SARDH: variants seen among roughly 807,000 people sequenced by gnomAD.
SARDH encodes sarcosine dehydrogenase.
In SARDH, 95 loss-of-function variants were observed where a neutral mutation model predicts 109.1. That is an observed-to-expected ratio of 0.87 (90% confidence interval 0.74 to 1.03). The LOEUF (loss-of-function observed/expected upper bound fraction) is 1.03. Ranked by LOEUF, SARDH falls within the 50% of genes least tolerant of loss-of-function variation. SARDH has a pLI of 0.00. For missense variants in SARDH, 1,267 were observed against 1,287.8 expected, an observed-to-expected ratio of 0.98 and a Z score of 0.25; for synonymous variants, 572 against 534.8, an observed-to-expected ratio of 1.07 and a Z score of -0.96.
intron 6 of SARDH, 136 bp from the exon 7 acceptor site, chr9:133,719,178 G>T: frequency 1.5e-6 from 1 of 666,828 alleles, no homozygotes; most frequent in Non-Finnish European, 2.6e-6. Flanking sequence ...GGACCCCGAG[G>T]ACAGAGTGGA....
chr9:133,708,449 G>A (rs1831787759), intron 10 of SARDH, 21 bp from the exon 11 acceptor site: 1 of 1,600,056 alleles, frequency 6.2e-7, no homozygotes, highest in Non-Finnish European at 8.5e-7. Context: ...CAGGGGGACG[G>A]GTCACTGCTT....
chr9:133,693,369 C>T lies in SARDH; in HGVS notation c.1921+889G>A, dbSNP rs1229578011. 2.0e-5 allele frequency among the ~76,000 whole-genome samples: 3 copies of T among 152,122 alleles called. No individual in the cohort carries two copies. Among genetic ancestry groups the T allele is most frequent in the East Asian group, 1.9e-4 (1 of 5,182 alleles). ...GCCCAAGCTGGGGCTCGACACTGAC[C>T]GAGTCCCAGTGAGGAAACAACTACA... is the stretch of plus-strand genomic sequence containing the variant. On this transcript the variant is annotated intron_variant, in intron 15 of 20. Transcript: ENST00000439388. This position sits in a 1 kb window ranked among gnomAD's most constrained non-coding sequence, Gnocchi z 5.6.
At chr9:133,676,206 C>A (rs1204536662) in intron 17 of SARDH, among the ~76,000 whole-genome samples, 1 of 152,082 alleles carries the variant, frequency 6.6e-6, no homozygotes, top group Non-Finnish European at 1.5e-5. Flanking sequence ...ATGCATAACA[C>A]AACGCGGACA....
rs377363025 is a variant in SARDH, at chr9:133,694,277, C to T, written c.1902G>A (p.Pro634=). 5.9e-5 allele frequency: 92 copies of T among 1,549,490 alleles called. No homozygotes were observed. The highest frequency in any genetic ancestry group is 9.8e-5 in the East Asian group (4 of 40,918). The change falls in exon 15 of 21, where the codon CCG becomes CCA. Residue 634 remains proline, a synonymous_variant. Transcript: ENST00000439388. ...SRLAPSHQAS[P]LAPAFEGDGY... is the part of the protein sequence containing the mutation. ...CCATACCTTCAAAGGCGGGGGCCAG[C>T]GGGGAGGCCTGGTGGCTGGGTGCCA...
chr9:133,729,965 G>C, intron 5 of SARDH, 99 bp downstream of exon 5: 1 of 1,590,426 alleles, frequency 6.3e-7, no homozygotes, highest in Non-Finnish European at 8.6e-7. Context: ...TGCCCTAGCA[G>C]GGGCTCCCCA....
In SARDH at chr9:133,709,226, T is replaced by C. The variant is rs967158550; in HGVS notation, c.1329-798A>G. ...CCGGCGGGCCCCATGCTATTTCTCA[T>C]GGAGCTACGGAGCTCTGTGGCTGCA... is the stretch of plus-strand genomic sequence containing the variant. On this transcript the variant is annotated intron_variant, in intron 10 of 20. Coordinates refer to ENST00000439388, the MANE Select transcript of SARDH (RefSeq NM_001134707.2). The surrounding 1 kb of genome is among the most constrained non-coding windows in gnomAD (Gnocchi z 4.2). Among the ~76,000 whole-genome samples, 1 of 152,174 alleles carries C rather than the reference T, an allele frequency of 6.6e-6. No individual in the cohort carries two copies. The highest frequency in any genetic ancestry group is 1.5e-5 in the Non-Finnish European group (1 of 68,026).
chr9:133,714,734 C>G (rs1034871446), intron 8 of SARDH, among the ~76,000 whole-genome samples: 1 of 152,126 alleles, frequency 6.6e-6, no homozygotes, highest in Non-Finnish European at 1.5e-5. Context: ...GAGCCAAAAT[C>G]GCACCACTGC....
chr9:133,659,549 T>C (rs976144698), downstream of SARDH, among the ~76,000 whole-genome samples: 1 of 152,212 alleles, frequency 6.6e-6, no homozygotes, highest in Non-Finnish European at 1.5e-5. Flanking sequence ...CAGTAACAGA[T>C]GCACTTGTGT....
intron 12 of SARDH, 155 bp from the exon 13 acceptor site, chr9:133,703,184 G>T: frequency 1.5e-6 from 1 of 666,698 alleles, no homozygotes; most frequent in African/African-American, 1.8e-5. Context: ...GACGCGGGCA[G>T]GGGGCCCCCA....
chr9:133,685,653 C>T (rs778096167), intron 16 of SARDH, among the ~76,000 whole-genome samples: 11 of 152,164 alleles, frequency 7.2e-5, no homozygotes, highest in Non-Finnish European at 1.3e-4. Flanking sequence ...GTCCACAATC[C>T]ACAATCCACA....
rs559999712 is a variant in SARDH at position 133,686,186 on chromosome 9, C to T, written c.2070-900G>A. On this transcript the variant is annotated intron_variant, in intron 16 of 20. Coordinates refer to ENST00000439388, the MANE Select transcript of SARDH (RefSeq NM_001134707.2). The surrounding 1 kb of genome is among the most constrained non-coding windows in gnomAD (Gnocchi z 4.0). The stretch of plus-strand genomic sequence containing the variant: ...TTTAAGCTCTGCGAGGGTGGGGATT[C>T]GCTCCCCACTTTCCCTGCTCCGTGG... 6.6e-6 allele frequency among the ~76,000 whole-genome samples: 1 copy of T among 152,170 alleles called. No individual in the cohort carries two copies. Among genetic ancestry groups the T allele is most frequent in the East Asian group, 1.9e-4 (1 of 5,168 alleles).
intron 17 of SARDH, among the ~76,000 whole-genome samples, chr9:133,674,983 C>T (rs1274239264): frequency 6.6e-6 from 1 of 152,086 alleles, no homozygotes; most frequent in Non-Finnish European, 1.5e-5. Context: ...ATGATAAGGG[C>T]CTTCTACCCA....
At chr9:133,700,554 A>G (rs1314595219) in intron 13 of SARDH, among the ~76,000 whole-genome samples, 1 of 152,144 alleles carries the variant, frequency 6.6e-6, no homozygotes. Flanking sequence ...GGATAGGGTG[A>G]GGTGTGGGGT....
At position 133,677,340 on chromosome 9, in the gene SARDH, C is replaced by T. The variant is rs1253445202; in HGVS notation, c.2164-5643G>A. On this transcript the variant is annotated intron_variant, in intron 17 of 20. Transcript: ENST00000439388. ...TCTCAGACCCAGACAGAGCTTATTA[C>T]GCACGATTCTTGTTGAAAGAATCCG... 3.3e-5 allele frequency among the ~76,000 whole-genome samples: 5 copies of T among 152,264 alleles called. No individual in the cohort carries two copies. The East Asian group carries it at 5.8e-4, about 18-fold the overall frequency.
downstream of SARDH, among the ~76,000 whole-genome samples, chr9:133,662,976 G>T (rs1246502388): frequency 6.6e-6 from 1 of 152,224 alleles, no homozygotes; most frequent in Non-Finnish European, 1.5e-5. This position sits in a 1 kb window ranked among gnomAD's most constrained non-coding sequence, Gnocchi z 5.1. Context: ...AAGGTGGGCA[G>T]AGGAGCCACC....
At chr9:133,680,233 C>A (rs2091503641) in intron 17 of SARDH, among the ~76,000 whole-genome samples, 1 of 152,226 alleles carries the variant, frequency 6.6e-6, no homozygotes, top group Admixed American at 6.5e-5. Context: ...AGAGAGGCGA[C>A]CCGCAGAAGG....
intron 17 of SARDH, among the ~76,000 whole-genome samples, chr9:133,673,926 C>A (rs1459534542): frequency 6.6e-6 from 1 of 152,186 alleles, no homozygotes; most frequent in Non-Finnish European, 1.5e-5. Flanking sequence ...CTTCCTGGCT[C>A]CAGCAGCTCA....
At chr9:133,691,595 C>G (rs1174600055) in intron 15 of SARDH, among the ~76,000 whole-genome samples, 1 of 152,152 alleles carries the variant, frequency 6.6e-6, no homozygotes, top group Non-Finnish European at 1.5e-5. Context: ...CTTTTGTAAT[C>G]TTACAAAAAG....
intron 4 of SARDH, 104 bp downstream of exon 4, chr9:133,731,190 AAGTCACACAGC>A: frequency 7.2e-7 from 1 of 1,388,168 alleles, no homozygotes; most frequent in South Asian, 1.4e-5. Context: ...CACTGGCCCA[AAGTCACACAGC>A]AGTCAGAGAA....
Sources: allele counts gnomAD v4.1 joint callset (sites outside exome capture counted in the v4.1 genomes callset), GRCh38; gene constraint gnomAD v4.1.1; non-coding constraint Gnocchi (gnomAD v3.1); transcripts MANE v1.5; gene names NCBI Gene and HGNC (gene_info 2026-07-23, HGNC 2026-07-21).